The following TMEM200A variants were observed in gnomAD, a reference collection of about 807,000 sequenced individuals.
The protein encoded by TMEM200A is two transmembrane C.
Under a neutral mutation model 24.3 loss-of-function variants are expected in TMEM200A, and 12 were observed. The ratio of observed to expected loss-of-function variants is 0.49; its 90% CI spans 0.32 to 0.80. TMEM200A has a LOEUF of 0.80. Among genes scored for constraint, TMEM200A ranks in the 30% least tolerant of loss-of-function variants. The pLI, the probability that TMEM200A is intolerant of heterozygous loss-of-function variation, is 0.04. For missense variants in TMEM200A, 545 were observed against 614.4 expected (o/e 0.89, Z 1.19); for synonymous variants, 224 against 224.4 (o/e 1.00, Z 0.02).
At chr6:130,392,013 G>A (rs138506068) in intron 2 of TMEM200A, among the ~76,000 whole-genome samples, 4,197 of 152,218 alleles carry the variant, frequency 0.028, 185 homozygotes, top group African/African-American at 0.095. Flanking sequence ...AAAGTGCTGG[G>A]ATTACAGGCG....
chr6:130,393,167 G>C (rs1778875086), intron 2 of TMEM200A, among the ~76,000 whole-genome samples: 1 of 152,202 alleles, frequency 6.6e-6, no homozygotes, highest in Non-Finnish European at 1.5e-5. Flanking sequence ...GAAGCTAAAA[G>C]CTGGGATCTT....
rs749513162 is a variant in TMEM200A, at chr6:130,440,851, T to C, written c.429T>C (p.Ala143=). 4.3e-6 allele frequency: 7 copies of C among 1,613,958 alleles called. No individual in the cohort carries two copies. In the South Asian group the frequency reaches 6.6e-5, roughly 15 times the overall value. ...MGIGIFIFIC[A]NAILHENRDK... ...TTGGCATTTTCATTTTCATTTGTGC[T>C]AATGCCATTCTTCATGAAAACCGTG... The change falls in exon 3 of 3, where the codon GCT becomes GCC. Residue 143 remains alanine (A), a synonymous_variant. Coordinates refer to ENST00000296978, the MANE Select transcript of TMEM200A (RefSeq NM_001258277.2).
intron 2 of TMEM200A, among the ~76,000 whole-genome samples, chr6:130,413,512 A>AT (rs1779378792): frequency 6.6e-6 from 1 of 152,052 alleles, no homozygotes; most frequent in South Asian, 2.1e-4. Context: ...TGGCACAGCC[A>AT]TCCCCCCCAC....
chr6:130,408,668 G>T (rs1779262424), intron 2 of TMEM200A, among the ~76,000 whole-genome samples: 1 of 152,154 alleles, frequency 6.6e-6, no homozygotes, highest in Non-Finnish European at 1.5e-5. Flanking sequence ...GCAGGGTCCA[G>T]ATTCTGAAAG....
chr6:130,393,364 A>G (rs1778880783), intron 2 of TMEM200A, among the ~76,000 whole-genome samples: 1 of 151,824 alleles, frequency 6.6e-6, no homozygotes, highest in Non-Finnish European at 1.5e-5. Flanking sequence ...ATTTAAAAAT[A>G]TATACCTAGT....
chr6:130,393,310 A>T (rs1778879531), intron 2 of TMEM200A, among the ~76,000 whole-genome samples: 1 of 152,220 alleles, frequency 6.6e-6, no homozygotes. Flanking sequence ...TGTAAGGGAG[A>T]AATACCAGAA....
rs979104045 is a variant in TMEM200A, at chr6:130,366,912, G to C, written c.-81+388G>C. 7.3e-5 allele frequency among the ~76,000 whole-genome samples: 11 copies of C among 150,932 alleles called. No homozygotes were observed. The highest frequency in any genetic ancestry group is 1.2e-4 in the African/African-American group (5 of 40,998). ...CGTAAAGCAGTATCTGGATGGGGTA[G>C]AATCTACACAGGCAAAATGGAGAGG... is the stretch of plus-strand genomic sequence containing the variant. On this transcript the variant is annotated intron_variant, in intron 1 of 2. Coordinates refer to ENST00000296978, the MANE Select transcript of TMEM200A (RefSeq NM_001258277.2). The surrounding 1 kb of genome is among the most constrained non-coding windows in gnomAD (Gnocchi z 4.4).
At chr6:130,370,552 CTGCACAA>C (rs1778296868) in intron 1 of TMEM200A, among the ~76,000 whole-genome samples, 1 of 152,158 alleles carries the variant, frequency 6.6e-6, no homozygotes, top group African/African-American at 2.4e-5. Flanking sequence ...GGACAGCCCT[CTGCACAA>C]TGATCTGGAG....
chr6:130,425,967 G>A (rs76845564), intron 2 of TMEM200A, among the ~76,000 whole-genome samples: 3,322 of 152,186 alleles, frequency 0.022, 125 homozygotes, highest in African/African-American at 0.075. Context: ...TATTTAGAAA[G>A]CATACACATA....
intron 2 of TMEM200A, among the ~76,000 whole-genome samples, chr6:130,410,820 C>T (rs1779312651): frequency 6.6e-6 from 1 of 152,180 alleles, no homozygotes; most frequent in Admixed American, 6.5e-5. Context: ...AGGAAAGCCA[C>T]AGTAGACTCT....
At chr6:130,400,232 A>G (rs1779052618) in intron 2 of TMEM200A, among the ~76,000 whole-genome samples, 1 of 152,008 alleles carries the variant, frequency 6.6e-6, no homozygotes, top group African/African-American at 2.4e-5. Flanking sequence ...ATATTTTTCG[A>G]ATAATGACTT....
intron 2 of TMEM200A, among the ~76,000 whole-genome samples, chr6:130,403,686 T>C (rs958579087): frequency 2.0e-5 from 3 of 152,128 alleles, no homozygotes; most frequent in Admixed American, 6.6e-5. Context: ...AAACTTTTAT[T>C]TTAAGTTCAG....
intron 2 of TMEM200A, among the ~76,000 whole-genome samples, chr6:130,411,941 C>T (rs139009443): frequency 1.7e-4 from 26 of 152,088 alleles, no homozygotes; most frequent in African/African-American, 4.3e-4. Flanking sequence ...TCAATGTATA[C>T]GTTTGTTTGT....
At chr6:130,383,134 G>T in intron 1 of TMEM200A, 2 of 866,666 alleles carry the variant, frequency 2.3e-6, no homozygotes, top group African/African-American at 1.8e-5. Context: ...GGCACTCCAT[G>T]GGATTCATTA....
At chr6:130,427,158 T>G (rs908335218) in intron 2 of TMEM200A, among the ~76,000 whole-genome samples, 9 of 152,228 alleles carry the variant, frequency 5.9e-5, no homozygotes, top group African/African-American at 2.2e-4. Context: ...GGCTTCAACA[T>G]CCTTTTTTGC....
chr6:130,433,133 G>T (rs1353608859), intron 2 of TMEM200A, among the ~76,000 whole-genome samples: 1 of 148,520 alleles, frequency 6.7e-6, no homozygotes, highest in African/African-American at 2.6e-5. Context: ...GCTAAAAGAT[G>T]ATCTTTTTTT....
chr6:130,434,266 C>T (rs1779947437), intron 2 of TMEM200A, among the ~76,000 whole-genome samples: 1 of 152,150 alleles, frequency 6.6e-6, no homozygotes, highest in African/African-American at 2.4e-5. Context: ...AATATATAAA[C>T]AAGAGTGAAC....
At chr6:130,378,242 T>G (rs1778507948) in intron 1 of TMEM200A, among the ~76,000 whole-genome samples, 1 of 151,308 alleles carries the variant, frequency 6.6e-6, no homozygotes, top group South Asian at 2.1e-4. Flanking sequence ...CTAAGAATAT[T>G]GAATTAGAGT....
At chr6:130,431,892 C>A (rs542047003) in intron 2 of TMEM200A, among the ~76,000 whole-genome samples, 5 of 152,230 alleles carry the variant, frequency 3.3e-5, no homozygotes, top group Admixed American at 6.5e-5. Flanking sequence ...ATGTACTTGA[C>A]CATAAAGTAA....
Sources: gnomAD v4.1 joint callset for allele counts (sites outside exome capture counted in the v4.1 genomes callset) on GRCh38, gnomAD v4.1.1 for gene constraint, Gnocchi (gnomAD v3.1) non-coding constraint, MANE v1.5 for transcripts, NCBI Gene and HGNC (gene_info 2026-07-23, HGNC 2026-07-21) for gene names.